The following SRCIN1 variants were observed in gnomAD, a reference collection of about 807,000 sequenced individuals.
SRCIN1 encodes the protein SRC kinase signaling inhibitor 1.
Under a neutral mutation model 116.2 loss-of-function variants are expected in SRCIN1, and 50 were observed. That is an observed-to-expected ratio of 0.43 (90% CI 0.34 to 0.54). SRCIN1 has a LOEUF of 0.54. Among genes scored for constraint, SRCIN1 ranks in the 20% least tolerant of loss-of-function variants. SRCIN1 has a pLI of 0.02. For missense variants in SRCIN1, 1,446 were observed against 1,672.0 expected, an observed-to-expected ratio of 0.86 and a Z score of 2.36; for synonymous variants, 736 against 750.0, an observed-to-expected ratio of 0.98 and a Z score of 0.30.
At chr17:38,603,220 A>C (rs1909162958) in intron 1 of SRCIN1, among the ~76,000 whole-genome samples, 1 of 151,854 alleles carries the variant, frequency 6.6e-6, no homozygotes, top group Non-Finnish European at 1.5e-5. Context: ...GGGGAGAGAG[A>C]GAGAAAGAGA....
At chr17:38,581,188 C>T (rs1907778977) in intron 1 of SRCIN1, among the ~76,000 whole-genome samples, 1 of 151,986 alleles carries the variant, frequency 6.6e-6, no homozygotes, top group East Asian at 1.9e-4. Context: ...AGGTGGATCA[C>T]GAGGTCAGGA....
At chr17:38,578,846 C>T (rs1458945078) in intron 1 of SRCIN1, 55 bp from the exon 2 acceptor site, 3 of 1,442,692 alleles carry the variant, frequency 2.1e-6, no homozygotes, top group Middle Eastern at 2.5e-4. Flanking sequence ...CCTGGGGCTG[C>T]CCATCCCCCA....
At position 38,563,187 on chromosome 17, in the gene SRCIN1, C is replaced by T. The variant is rs1906401768; in HGVS notation, c.740+136G>A. 4 of 958,874 alleles carry T rather than the reference C, an allele frequency of 4.2e-6. No individual in the cohort carries two copies. The highest frequency in any genetic ancestry group is 2.6e-5 in the Admixed American group (1 of 38,676). 59.4% of individuals were successfully genotyped at this position (958,874 alleles called of 1,614,324 possible). A position where few individuals can be genotyped will look rare whatever the true frequency, so the allele number is the denominator to read the frequency against. ...GAGATGGCCGAGGAAGGGGGCGGGGCGGTAGGGCTCTGGGAGGGGAGGGGA... is the reference window on the plus strand; with the variant it reads ...GAGATGGCCGAGGAAGGGGGCGGGGTGGTAGGGCTCTGGGAGGGGAGGGGA... On this transcript the variant is annotated intron_variant, in intron 5 of 18. Transcript: ENST00000617146. The surrounding 1 kb of genome is among the most constrained non-coding windows in gnomAD (Gnocchi z 5.8).
rs376616774 is a variant in SRCIN1, at chr17:38,551,180, C to T, written c.2937G>A (p.Thr979=). The T allele has an allele frequency of 2.9e-5, 46 of 1,572,360 alleles. No homozygotes were observed. Among genetic ancestry groups the T allele is most frequent in the Non-Finnish European group, 3.1e-5 (36 of 1,152,884 alleles). Residue 979 remains threonine (T), a synonymous_variant, in exon 15 of 19, where the codon ACG becomes ACA. Coordinates refer to ENST00000617146, the MANE Select transcript of SRCIN1 (RefSeq NM_025248.3). ...CTGAGCCCCTCCTCCCACTGGGCTC[C>T]GTTCGGGGGGCTGCCTTCTGGCCGT... The part of the protein sequence containing the change: ...APHGQKAAPR[T]EPSGRRGSDE...
At chr17:38,549,004 G>A (rs1905231167) in intron 16 of SRCIN1, 52 bp downstream of exon 16, 3 of 1,596,432 alleles carry the variant, frequency 1.9e-6, no homozygotes, top group African/African-American at 1.3e-5. Flanking sequence ...AGTCATCTGA[G>A]GCTTCATCCT....
At chr17:38,547,688 G>C (rs1389978968) in intron 17 of SRCIN1, 1 of 283,874 alleles carries the variant, frequency 3.5e-6, no homozygotes, top group Non-Finnish European at 6.9e-6. Context: ...GTTAGCGTGG[G>C]AGGTGAGGAG....
chr17:38,561,355 C>T, intron 7 of SRCIN1, 108 bp downstream of exon 7: 1 of 1,307,918 alleles, frequency 7.6e-7, no homozygotes, highest in Non-Finnish European at 9.9e-7. Context: ...CTCCAAAGGA[C>T]TCCAGGATCT....
intron 1 of SRCIN1, among the ~76,000 whole-genome samples, chr17:38,600,162 GTCC>G (rs1338701344): frequency 6.6e-6 from 1 of 152,182 alleles, no homozygotes; most frequent in African/African-American, 2.4e-5. Flanking sequence ...CTCTGGCCCA[GTCC>G]TCCTTGGTGG....
At chr17:38,539,053 G>A (rs1042817739) in intron 18 of SRCIN1, among the ~76,000 whole-genome samples, 3 of 152,132 alleles carry the variant, frequency 2.0e-5, no homozygotes, top group African/African-American at 7.2e-5. Context: ...ATTTGCTTTG[G>A]CTGTTTCCAC....
chr17:38,566,827 T>G (rs1042886972), intron 3 of SRCIN1, among the ~76,000 whole-genome samples: 2 of 150,340 alleles, frequency 1.3e-5, no homozygotes, highest in East Asian at 2.0e-4. Context: ...GCCTGGAACA[T>G]GCATCCTCTC....
rs879530456 is a variant in SRCIN1 at position 38,566,854 on chromosome 17, T to C, written c.345+1357A>G. 2.5e-3 allele frequency among the ~76,000 whole-genome samples: 282 copies of C among 114,658 alleles called. 1 individual carries two copies. Among genetic ancestry groups the C allele is most frequent in the African/African-American group, 3.9e-3 (121 of 30,644 alleles). The allele number at this position is 114,658 out of a possible 152,430, so 75.2% of individuals were successfully genotyped here. A position where few individuals can be genotyped will look rare whatever the true frequency, so the allele number is the denominator to read the frequency against. ...CATCCTCTCGTGTTTTGTTTTGTTT[T>C]GTTTTGTTTCGTTTCCTTCCTTCCT... On this transcript the variant is annotated intron_variant, in intron 3 of 18. Transcript: ENST00000617146.
intron 1 of SRCIN1, among the ~76,000 whole-genome samples, chr17:38,584,858 G>A (rs572758155): frequency 6.6e-6 from 1 of 152,276 alleles, no homozygotes; most frequent in South Asian, 2.1e-4. Context: ...GAGAGGAGAG[G>A]GAGGGAGAAG....
chr17:38,563,311 G>C lies in SRCIN1; in HGVS notation c.740+12C>G, dbSNP rs932190988. ...GGGAAGCCCACCCAAATCCCCCCCG[G>C]TCCACGCCCACCGGACGTCCTCCAG... On this transcript the variant is annotated intron_variant, in intron 5 of 18. Transcript: ENST00000617146. This position sits in a 1 kb window ranked among gnomAD's most constrained non-coding sequence, Gnocchi z 5.8. 5.8e-6 allele frequency: 9 copies of C among 1,564,606 alleles called. No homozygotes were observed. Among genetic ancestry groups the C allele is most frequent in the Non-Finnish European group, 7.8e-6 (9 of 1,154,188 alleles).
chr17:38,580,261 A>G (rs985330546), intron 1 of SRCIN1, among the ~76,000 whole-genome samples: 2 of 152,054 alleles, frequency 1.3e-5, no homozygotes, highest in African/African-American at 4.8e-5. Context: ...GGTTTCAAGA[A>G]AAGCCACCTG....
intron 1 of SRCIN1, among the ~76,000 whole-genome samples, chr17:38,579,152 C>T (rs574124638): frequency 6.6e-6 from 1 of 152,288 alleles, no homozygotes; most frequent in African/African-American, 2.4e-5. Context: ...AGCCACACAA[C>T]CCCCTCCCCT....
chr17:38,538,469 C>T (rs1042074323), intron 18 of SRCIN1, among the ~76,000 whole-genome samples: 11 of 150,826 alleles, frequency 7.3e-5, no homozygotes, highest in Non-Finnish European at 4.4e-5. Flanking sequence ...AAAATGACAG[C>T]GGGACCAAAT....
At position 38,564,288 on chromosome 17, in the gene SRCIN1, C is replaced by T; in HGVS notation, c.371G>A (p.Gly124Glu). 2 of 1,567,960 alleles carry T rather than the reference C, an allele frequency of 1.3e-6. No homozygotes were observed. The highest frequency in any genetic ancestry group is 1.7e-6 in the Non-Finnish European group (2 of 1,160,664). Residue 124 changes from glycine (G) to glutamate (E), a missense_variant, in exon 4 of 19, where the codon GGA (glycine) becomes GAA (glutamate). Coordinates refer to ENST00000617146, the MANE Select transcript of SRCIN1 (RefSeq NM_025248.3). ...CTGGTCTGCCAGCCCGGGCTGGGCT[C>T]CCTGAGTGTGGCGTGAGCTGCGGGT... ...FKTRSSRHTQ[G>E]AQPGLADQAA...
chr17:38,551,054 A>G, intron 15 of SRCIN1, 101 bp downstream of exon 15: 1 of 594,676 alleles, frequency 1.7e-6, no homozygotes, highest in Non-Finnish European at 2.9e-6. Flanking sequence ...CAGCCCAACC[A>G]CAATGATCTT....
rs1348979009 is a variant in SRCIN1 at position 38,543,906 on chromosome 17, C to T, written c.3334G>A (p.Ala1112Thr). The T allele has an allele frequency of 1.9e-6, 3 of 1,604,340 alleles. No homozygotes were observed. The highest frequency in any genetic ancestry group is 2.7e-5 in the African/African-American group (2 of 75,000). The change falls in exon 18 of 19, where the codon GCC (alanine) becomes ACC (threonine). Residue 1112 changes from alanine to threonine, a missense_variant. Coordinates refer to ENST00000617146, the MANE Select transcript of SRCIN1 (RefSeq NM_025248.3). ...TCGGGGCTGCCCGCCTGGCCCTGGG[C>T]CGCCTTCAGCCGAGAGGCCCCCGGA... ...VTPGASRLKA[A>T]QGQAGSPDKS...
Sources: gnomAD v4.1 joint callset for allele counts (sites outside exome capture counted in the v4.1 genomes callset) on GRCh38, gnomAD v4.1.1 for gene constraint, Gnocchi (gnomAD v3.1) non-coding constraint, MANE v1.5 for transcripts, NCBI Gene and HGNC (gene_info 2026-07-23, HGNC 2026-07-21) for gene names.